The following ALDH1A3 variants were observed in gnomAD, a reference collection of about 807,000 sequenced individuals.
The protein encoded by ALDH1A3 is aldehyde dehydrogenase 1 family member A3, also known as retinaldehyde dehydrogenase 3.
Under a neutral mutation model 57.5 loss-of-function variants are expected in ALDH1A3, and 28 were observed. That is an observed-to-expected ratio of 0.49 (90% CI 0.36 to 0.67). The LOEUF is 0.67. Among genes scored for constraint, ALDH1A3 ranks in the 30% least tolerant of loss-of-function variants. The pLI, the probability that ALDH1A3 is intolerant of heterozygous loss-of-function variation, is 0.00. For missense variants in ALDH1A3, 507 were observed against 669.4 expected, an observed-to-expected ratio of 0.76 and a Z score of 2.68; for synonymous variants, 281 against 264.8, an observed-to-expected ratio of 1.06 and a Z score of -0.59.
chr15:100,914,787 C>T lies in ALDH1A3; in HGVS notation c.*14C>T, dbSNP rs750032529. 6.8e-6 allele frequency: 11 copies of T among 1,612,840 alleles called. No homozygotes were observed. The East Asian group carries it at 2.2e-4, about 33-fold the overall frequency. On this transcript the variant is annotated 3_prime_UTR_variant, in exon 13 of 13. Transcript: ENST00000329841. ...AAGAACCCCTGAAGGAAAGGCGGGG[C>T]TCCTTCCTCAAACATCGGACGGCGG...
intron 8 of ALDH1A3, among the ~76,000 whole-genome samples, chr15:100,899,924 G>C (rs1375668099): frequency 6.6e-6 from 1 of 152,172 alleles, no homozygotes; most frequent in Non-Finnish European, 1.5e-5. Context: ...GGGGGTTGGT[G>C]GTGATGAAAC....
chr15:100,916,362 T>C lies in ALDH1A3; in HGVS notation c.*1589T>C, dbSNP rs1418404039. ...CCTATTCTTCCATTGTACGATAATGTCTTTAATATGAAATGCTACATTATT... is the reference window on the plus strand; with the variant it reads ...CCTATTCTTCCATTGTACGATAATGCCTTTAATATGAAATGCTACATTATT... On this transcript the variant is annotated 3_prime_UTR_variant, in exon 13 of 13. Coordinates refer to ENST00000329841, the MANE Select transcript of ALDH1A3 (RefSeq NM_000693.4). 6.6e-6 allele frequency: 1 copy of C among 152,496 alleles called. No homozygotes were observed. Among genetic ancestry groups the C allele is most frequent in the Non-Finnish European group, 1.5e-5 (1 of 68,044 alleles). The allele number at this position is 152,496 out of a possible 1,614,324, so 9.4% of individuals were successfully genotyped here.
In ALDH1A3 at chr15:100,900,818, C is replaced by A. The variant is rs2041760352; in HGVS notation, c.1068+59C>A. The stretch of plus-strand genomic sequence containing the variant: ...TTGTCTAGGGGCTGAAGCAGGCAGT[C>A]CCATGGCAACCGCCTACAGGGTCCC... On this transcript the variant is annotated intron_variant, in intron 9 of 12. Transcript: ENST00000329841. 2.6e-6 allele frequency: 4 copies of A among 1,560,468 alleles called. No individual in the cohort carries two copies. The South Asian group carries it at 4.7e-5, about 18-fold the overall frequency.
chr15:100,895,700 G>A (rs2041695563), intron 6 of ALDH1A3: 1 of 564,448 alleles, frequency 1.8e-6, no homozygotes, highest in Non-Finnish European at 3.2e-6. Context: ...CCCAGAAGGA[G>A]AAGTGGGCAT....
At chr15:100,895,599 A>G (rs1263716665) in intron 6 of ALDH1A3, 2 of 343,536 alleles carry the variant, frequency 5.8e-6, no homozygotes, top group East Asian at 1.1e-4. Flanking sequence ...CACACCCCAC[A>G]TGGAAAGGTG....
At position 100,893,027 on chromosome 15, in the gene ALDH1A3, C is replaced by T; in HGVS notation, c.537+21C>T. ...CTCCAGTAAGTATGGCAGCCTTTCT[C>T]AGTAGATTCTATGTAGATCCTGCCC... is the stretch of plus-strand genomic sequence containing the variant. On this transcript the variant is annotated intron_variant, in intron 5 of 12. Transcript: ENST00000329841. The surrounding 1 kb of genome is among the most constrained non-coding windows in gnomAD (Gnocchi z 4.8). 6.2e-7 allele frequency: 1 copy of T among 1,609,322 alleles called. No homozygotes were observed. Among genetic ancestry groups the T allele is most frequent in the Non-Finnish European group, 8.5e-7 (1 of 1,176,590 alleles).
intron 9 of ALDH1A3, among the ~76,000 whole-genome samples, chr15:100,903,123 G>A (rs945951451): frequency 9.2e-5 from 14 of 152,156 alleles, no homozygotes; most frequent in African/African-American, 2.9e-4. Flanking sequence ...GCCTAAAAAC[G>A]TCTATAGTGA....
intron 9 of ALDH1A3, 29 bp downstream of exon 9, chr15:100,900,788 G>C: frequency 1.9e-6 from 3 of 1,606,372 alleles, no homozygotes; most frequent in African/African-American, 1.3e-5. Context: ...GTGAAACCAT[G>C]GTGCTTGTCT....
At chr15:100,896,146 T>C (rs2041701227) in intron 7 of ALDH1A3, 100 bp downstream of exon 7, 1 of 1,013,886 alleles carries the variant, frequency 9.9e-7, no homozygotes, top group African/African-American at 1.6e-5. Context: ...TTGTTTTTCT[T>C]CTAAATTTGA....
intron 8 of ALDH1A3, among the ~76,000 whole-genome samples, chr15:100,898,863 G>A (rs1449161540): frequency 6.6e-6 from 1 of 152,186 alleles, no homozygotes; most frequent in African/African-American, 2.4e-5. Context: ...GGGCTGGCCG[G>A]GCATTCATTC....
At position 100,887,013 on chromosome 15, in the gene ALDH1A3, C is replaced by G. The variant is rs2041601612; in HGVS notation, c.205-559C>G. On this transcript the variant is annotated intron_variant, in intron 2 of 12. Coordinates refer to ENST00000329841, the MANE Select transcript of ALDH1A3 (RefSeq NM_000693.4). This position sits in a 1 kb window ranked among gnomAD's most constrained non-coding sequence, Gnocchi z 4.6. ...ACACTGAGGCAGCCAGTGGAAAGTC[C>G]TTCCGTACTTGGGTCCCTGAGAAAA... is the stretch of plus-strand genomic sequence containing the variant. Among the ~76,000 whole-genome samples, 1 of 152,188 alleles carries G rather than the reference C, an allele frequency of 6.6e-6. No individual in the cohort carries two copies. Among genetic ancestry groups the G allele is most frequent in the Non-Finnish European group, 1.5e-5 (1 of 68,034 alleles).
intron 7 of ALDH1A3, among the ~76,000 whole-genome samples, chr15:100,897,459 GC>G (rs1290758708): frequency 5.9e-5 from 9 of 152,370 alleles, no homozygotes; most frequent in Middle Eastern, 3.4e-3. Context: ...CCCCGTGGGG[GC>G]CTTGAGCATG....
intron 9 of ALDH1A3, among the ~76,000 whole-genome samples, chr15:100,902,643 C>T (rs2041781557): frequency 6.6e-6 from 1 of 152,254 alleles, no homozygotes. Context: ...CGAGCACAGC[C>T]TTGAGCCAGT....
chr15:100,907,998 G>A (rs1004027214), intron 11 of ALDH1A3, among the ~76,000 whole-genome samples: 16 of 151,618 alleles, frequency 1.1e-4, no homozygotes, highest in African/African-American at 3.9e-4. Flanking sequence ...ACAGGTGCAC[G>A]CCACCACGCC....
intron 12 of ALDH1A3, among the ~76,000 whole-genome samples, chr15:100,908,915 C>A (rs1282837582): frequency 6.6e-6 from 1 of 151,976 alleles, no homozygotes; most frequent in African/African-American, 2.4e-5. Context: ...TTTTTCTGAG[C>A]CTAGTAGGGG....
At chr15:100,898,789 G>C (rs183172060) in intron 8 of ALDH1A3, among the ~76,000 whole-genome samples, 195 of 152,320 alleles carry the variant, frequency 1.3e-3, no homozygotes, top group African/African-American at 4.5e-3. Context: ...CGTCTTGACA[G>C]CCAAACGACA....
rs553274046 is a variant in ALDH1A3, at chr15:100,901,421, CACTT to C, written c.1068+663_1068+666del. Among the ~76,000 whole-genome samples, 14 of 152,348 alleles carry C rather than the reference CACTT, an allele frequency of 9.2e-5. No individual in the cohort carries two copies. The East Asian group carries it at 2.5e-3, about 27-fold the overall frequency. The stretch of plus-strand genomic sequence containing the variant: ...ATTGAAATGGAGCTCAGCAGTCACT[CACTT>C]TGCTTTTAGCCAAAGTCCTGCCCCA... On this transcript the variant is annotated intron_variant, in intron 9 of 12. Transcript: ENST00000329841.
At chr15:100,914,125 C>G (rs946997920) in intron 12 of ALDH1A3, 6 of 152,956 alleles carry the variant, frequency 3.9e-5, no homozygotes, top group Admixed American at 1.3e-4. Context: ...GTCTGCTTCT[C>G]TCATGCCCCC....
At chr15:100,882,066 G>A (rs1300322193) in intron 1 of ALDH1A3, among the ~76,000 whole-genome samples, 2 of 152,360 alleles carry the variant, frequency 1.3e-5, no homozygotes, top group East Asian at 1.9e-4. Flanking sequence ...CGGCAGGTGG[G>A]TGGCCTGGCA....
Sources: allele counts gnomAD v4.1 joint callset (sites outside exome capture counted in the v4.1 genomes callset), GRCh38; gene constraint gnomAD v4.1.1; non-coding constraint Gnocchi (gnomAD v3.1); transcripts MANE v1.5; gene names NCBI Gene and HGNC (gene_info 2026-07-23, HGNC 2026-07-21).